ITGB6: variants seen among roughly 807,000 people sequenced by gnomAD.
ITGB6 encodes integrin subunit beta 6.
Under a neutral mutation model 84.5 loss-of-function variants are expected in ITGB6, and 80 were observed. The ratio of observed to expected loss-of-function variants is 0.95; its 90% CI spans 0.79 to 1.14. ITGB6 has a LOEUF of 1.14. Among genes scored for constraint, ITGB6 ranks in the 50% most tolerant of loss-of-function variants. ITGB6 has a pLI of 0.00. For synonymous variants in ITGB6, 383 were observed against 354.9 expected, an observed-to-expected ratio of 1.08 and a Z score of -0.89; for missense variants, 1,006 against 968.0, an observed-to-expected ratio of 1.04 and a Z score of -0.52.
At chr2:160,158,705 GT>G (rs1355124666) in intron 7 of ITGB6, among the ~76,000 whole-genome samples, 1 of 152,184 alleles carries the variant, frequency 6.6e-6, no homozygotes, top group Non-Finnish European at 1.5e-5. Flanking sequence ...AAAATAGCAA[GT>G]AGGTGTATGT....
intron 4 of ITGB6, among the ~76,000 whole-genome samples, chr2:160,188,342 C>G (rs1685985735): frequency 6.6e-6 from 1 of 152,122 alleles, no homozygotes; most frequent in Non-Finnish European, 1.5e-5. Flanking sequence ...AACATATAAT[C>G]TTGCCACAAA....
At chr2:160,197,975 A>G (rs1686407909) in intron 2 of ITGB6, among the ~76,000 whole-genome samples, 1 of 152,198 alleles carries the variant, frequency 6.6e-6, no homozygotes, top group South Asian at 2.1e-4. Context: ...ATTTGACAAC[A>G]ATTTGGCTAC....
intron 7 of ITGB6, among the ~76,000 whole-genome samples, chr2:160,166,117 C>T (rs1369181422): frequency 6.6e-6 from 1 of 152,106 alleles, no homozygotes; most frequent in Non-Finnish European, 1.5e-5. Flanking sequence ...TTTTTGTCTC[C>T]AGAGGAAAGG....
rs1273037990 is a variant in ITGB6 at position 160,120,655 on chromosome 2, C to A, written c.1981+3136G>T. The stretch of plus-strand genomic sequence containing the variant: ...CACAATGTGCACATGTACCCTAAAA[C>A]TTAGAGTATAATTAAAAAAAAAAAA... On this transcript the variant is annotated intron_variant, in intron 12 of 14. Transcript: ENST00000283249. Among the ~76,000 whole-genome samples the A allele has an allele frequency of 1.2e-4, 4 of 33,072 alleles. 2 individuals are homozygous for A. The highest frequency in any genetic ancestry group is 2.2e-4 in the Non-Finnish European group (4 of 18,576). The allele number at this position is 33,072 out of a possible 152,430, so 21.7% of individuals were successfully genotyped here. A position where few individuals can be genotyped will look rare whatever the true frequency, so the allele number is the denominator to read the frequency against.
chr2:160,186,248 C>A, intron 4 of ITGB6, among the ~76,000 whole-genome samples: 1 of 143,124 alleles, frequency 7.0e-6, no homozygotes, highest in Admixed American at 7.0e-5. Flanking sequence ...TATCCAGAAT[C>A]TACAAAGAAC....
At chr2:160,140,086 T>A (rs1157203767) in intron 8 of ITGB6, among the ~76,000 whole-genome samples, 1 of 152,214 alleles carries the variant, frequency 6.6e-6, no homozygotes, top group Non-Finnish European at 1.5e-5. Context: ...TCTCTTTTTA[T>A]AGACTAGAAA....
chr2:160,117,088 A>G lies in ITGB6; in HGVS notation c.1982-4889T>C, dbSNP rs919579482. ...TGGGAGACTTTAACACCCCACTGTC[A>G]ACATTAGACAGATCAACGAGACAGA... On this transcript the variant is annotated intron_variant, in intron 12 of 14. Transcript: ENST00000283249. 5.0e-4 allele frequency among the ~76,000 whole-genome samples: 75 copies of G among 151,364 alleles called. 1 individual carries two copies. Among genetic ancestry groups the G allele is most frequent in the African/African-American group, 1.8e-3 (75 of 41,316 alleles).
At chr2:160,187,690 G>A (rs1413149063) in intron 4 of ITGB6, among the ~76,000 whole-genome samples, 2 of 152,070 alleles carry the variant, frequency 1.3e-5, no homozygotes, top group African/African-American at 2.4e-5. Context: ...CAGAAGGCCT[G>A]TTAATTTTTG....
At position 160,126,596 on chromosome 2, in the gene ITGB6, C is replaced by A. The variant is rs748564787; in HGVS notation, c.1666G>T (p.Gly556Cys). The change falls in exon 11 of 15, where the codon GGC (glycine) becomes TGC (cysteine). Residue 556 changes from glycine to cysteine, a missense_variant. Transcript: ENST00000283249. The part of the protein sequence containing the change: ...RHKGLLCGGN[G>C]DCDCGECVCR... ...ACACATTCACCACAGTCACAGTCGC[C>A]GTTACCTGTAACACAAAATGCTCTA... 6.8e-6 allele frequency: 11 copies of A among 1,612,452 alleles called. No individual in the cohort carries two copies. The highest frequency in any genetic ancestry group is 1.3e-5 in the African/African-American group (1 of 74,858).
chr2:160,171,454 C>A (rs933426712), intron 6 of ITGB6, among the ~76,000 whole-genome samples: 2 of 151,852 alleles, frequency 1.3e-5, no homozygotes, highest in Admixed American at 6.6e-5. Context: ...CCTGCCTCAG[C>A]CTCCCGAGTA....
chr2:160,129,812 T>A (rs1683390179), intron 10 of ITGB6, among the ~76,000 whole-genome samples: 1 of 152,142 alleles, frequency 6.6e-6, no homozygotes, highest in Admixed American at 6.6e-5. Context: ...AGTCCTGGGC[T>A]TAATTCTTTG....
chr2:160,124,617 G>T (rs1683163120), intron 11 of ITGB6, among the ~76,000 whole-genome samples: 1 of 152,194 alleles, frequency 6.6e-6, no homozygotes, highest in African/African-American at 2.4e-5. Context: ...CAAATAGATT[G>T]TGCTTGTTGT....
intron 7 of ITGB6, among the ~76,000 whole-genome samples, chr2:160,143,412 GTT>G (rs1684074764): frequency 6.6e-6 from 1 of 152,156 alleles, no homozygotes; most frequent in African/African-American, 2.4e-5. Context: ...TCTTATATGT[GTT>G]TTTAAATGAT....
rs1465249617 is a variant in ITGB6, at chr2:160,126,614, A to C, written c.1661-13T>G. 2 of 1,606,146 alleles carry C rather than the reference A, an allele frequency of 1.2e-6. No homozygotes were observed. Among genetic ancestry groups the C allele is most frequent in the Non-Finnish European group, 8.5e-7 (1 of 1,174,440 alleles). ...CAGTCGCCGTTACCTGTAACACAAA[A>C]TGCTCTATGCTTCTCACAGCCCCAA... On this transcript the variant is annotated splice_polypyrimidine_tract_variant and intron_variant, in intron 10 of 14. Transcript: ENST00000283249.
chr2:160,151,397 T>C (rs201969797), intron 7 of ITGB6, among the ~76,000 whole-genome samples: 7 of 152,072 alleles, frequency 4.6e-5, no homozygotes, highest in Non-Finnish European at 8.8e-5. Flanking sequence ...TTGAAACCAA[T>C]GAGAACAAAG....
chr2:160,126,156 G>A (rs1208899689), intron 11 of ITGB6, among the ~76,000 whole-genome samples: 1 of 152,164 alleles, frequency 6.6e-6, no homozygotes, highest in East Asian at 1.9e-4. Flanking sequence ...GCAGAAACGT[G>A]ACATTGTGAT....
chr2:160,137,513 A>G lies in ITGB6; in HGVS notation c.1581T>C (p.Ser527=). ...AAGGCCCATAAATGTTTCCATAGGGAGACAAGTGGCAGATACACTGCCCAC... is the reference window on the plus strand; with the variant it reads ...AAGGCCCATAAATGTTTCCATAGGGGGACAAGTGGCAGATACACTGCCCAC... ...CYCGQCICHL[S]PYGNIYGPYC... is the part of the protein sequence containing the mutation. The change falls in exon 10 of 15, where the codon TCT becomes TCC. Residue 527 remains serine, a synonymous_variant. Coordinates refer to ENST00000283249, the MANE Select transcript of ITGB6 (RefSeq NM_000888.5). 6.2e-7 allele frequency: 1 copy of G among 1,614,198 alleles called. No homozygotes were observed. The highest frequency in any genetic ancestry group is 2.2e-5 in the East Asian group (1 of 44,886).
chr2:160,150,958 G>A (rs996317477), intron 7 of ITGB6, among the ~76,000 whole-genome samples: 1 of 152,116 alleles, frequency 6.6e-6, no homozygotes. Context: ...CATAAAGCAA[G>A]TCCTTAGAAA....
At chr2:160,164,137 C>T (rs1371993031) in intron 7 of ITGB6, among the ~76,000 whole-genome samples, 1 of 152,170 alleles carries the variant, frequency 6.6e-6, no homozygotes, top group Non-Finnish European at 1.5e-5. Flanking sequence ...TCTAAAATGC[C>T]CTCATTCTGT....
Sources: allele counts gnomAD v4.1 joint callset (sites outside exome capture counted in the v4.1 genomes callset), GRCh38; gene constraint gnomAD v4.1.1; transcripts MANE v1.5; gene names NCBI Gene and HGNC (gene_info 2026-07-23, HGNC 2026-07-21).